Variants in DIAPH3 observed in about 807,000 individuals in gnomAD.
The protein encoded by DIAPH3 is protein diaphanous homolog 3.
Under a neutral mutation model 144.3 loss-of-function variants are expected in DIAPH3, and 117 were observed. That is an observed-to-expected ratio of 0.81 (90% CI 0.70 to 0.95). DIAPH3 has a LOEUF of 0.95. Among genes scored for constraint, DIAPH3 ranks in the 40% least tolerant of loss-of-function variants. The pLI, the probability that DIAPH3 is intolerant of heterozygous loss-of-function variation, is 0.00. For synonymous variants in DIAPH3, 519 were observed against 488.9 expected, an observed-to-expected ratio of 1.06 and a Z score of -0.81; for missense variants, 1,421 against 1,412.7, an observed-to-expected ratio of 1.01 and a Z score of -0.09.
chr13:60,023,631 A>G (rs1462990529), intron 5 of DIAPH3, among the ~76,000 whole-genome samples: 1 of 151,394 alleles, frequency 6.6e-6, no homozygotes, highest in Non-Finnish European at 1.5e-5. Flanking sequence ...ACAGGGTTTC[A>G]CCATTTTGGC....
At chr13:60,080,905 G>A (rs1472080227) in intron 4 of DIAPH3, among the ~76,000 whole-genome samples, 1 of 151,878 alleles carries the variant, frequency 6.6e-6, no homozygotes, top group East Asian at 1.9e-4. Context: ...AAAACTCTTA[G>A]ATGCCTATGA....
intron 5 of DIAPH3, among the ~76,000 whole-genome samples, chr13:60,040,374 A>G (rs2055570000): frequency 6.6e-6 from 1 of 152,086 alleles, no homozygotes; most frequent in Admixed American, 6.6e-5. Flanking sequence ...GATTCCTAAT[A>G]ACATATTCTA....
At chr13:59,861,978 G>A (rs919042507) in intron 21 of DIAPH3, among the ~76,000 whole-genome samples, 1 of 152,100 alleles carries the variant, frequency 6.6e-6, no homozygotes, top group Non-Finnish European at 1.5e-5. Context: ...AAAAATATAC[G>A]TATTTGCCTT....
intron 24 of DIAPH3, among the ~76,000 whole-genome samples, chr13:59,824,308 T>G (rs1204483365): frequency 6.6e-6 from 1 of 152,182 alleles, no homozygotes; most frequent in Non-Finnish European, 1.5e-5. Flanking sequence ...GTAACATCCC[T>G]AAGAGATGCA....
In DIAPH3 at chr13:59,740,246, T is replaced by C. The variant is rs566769299; in HGVS notation, c.3319+33943A>G. On this transcript the variant is annotated intron_variant, in intron 27 of 27. Coordinates refer to ENST00000400324, the MANE Select transcript of DIAPH3 (RefSeq NM_001042517.2). ...ATTACGGAATATTTTAAGCACCGCA[T>C]TTAAGAAATACCTATTTTTGAGTCA... is the stretch of plus-strand genomic sequence containing the variant. Among the ~76,000 whole-genome samples the C allele has an allele frequency of 7.9e-5, 12 of 152,346 alleles. No individual in the cohort carries two copies. The South Asian group carries it at 8.3e-4, about 11-fold the overall frequency.
chr13:59,701,894 G>C (rs961512014), intron 27 of DIAPH3, among the ~76,000 whole-genome samples: 1 of 152,164 alleles, frequency 6.6e-6, no homozygotes, highest in Non-Finnish European at 1.5e-5. Flanking sequence ...TTTCCTACTA[G>C]AAAGTTTAGC....
In DIAPH3 at chr13:60,138,265, C is replaced by T. The variant is rs544714338; in HGVS notation, c.181-5276G>A. Among the ~76,000 whole-genome samples the T allele has an allele frequency of 9.8e-5, 15 of 152,298 alleles. No homozygotes were observed. In the South Asian group the frequency reaches 1.0e-3, roughly 11 times the overall value. ...GTCTAAGGTGGGACCTGGGAACCCA[C>T]ATGTTTAAGAAGTCATGCCTGTAAT... On this transcript the variant is annotated intron_variant, in intron 1 of 27. Coordinates refer to ENST00000400324, the MANE Select transcript of DIAPH3 (RefSeq NM_001042517.2).
intron 22 of DIAPH3, among the ~76,000 whole-genome samples, chr13:59,844,509 A>G (rs1232398428): frequency 1.3e-5 from 2 of 151,434 alleles, no homozygotes; most frequent in Non-Finnish European, 2.9e-5. Flanking sequence ...ATCCCAAAAA[A>G]AAAAAAAAGG....
At chr13:59,692,619 A>C (rs1202795180) in intron 27 of DIAPH3, among the ~76,000 whole-genome samples, 2 of 152,094 alleles carry the variant, frequency 1.3e-5, no homozygotes, top group African/African-American at 4.8e-5. Context: ...GAATGGTCAA[A>C]AGATATGCCT....
chr13:59,988,721 GT>G (rs2051600342), intron 12 of DIAPH3, among the ~76,000 whole-genome samples: 1 of 151,832 alleles, frequency 6.6e-6, no homozygotes, highest in African/African-American at 2.4e-5. Context: ...TGTTGGAGGA[GT>G]TTTTGAAATC....
chr13:60,014,838 G>C (rs1259508455), intron 7 of DIAPH3, among the ~76,000 whole-genome samples: 1 of 152,096 alleles, frequency 6.6e-6, no homozygotes, highest in Non-Finnish European at 1.5e-5. Flanking sequence ...AGATGCTGGA[G>C]CTTAAAGAAA....
At chr13:59,852,414 T>C (rs952782829) in intron 22 of DIAPH3, among the ~76,000 whole-genome samples, 1 of 152,230 alleles carries the variant, frequency 6.6e-6, no homozygotes, top group Non-Finnish European at 1.5e-5. Flanking sequence ...AATTCATGCA[T>C]CACCTCCAGA....
chr13:60,063,938 A>C (rs1287330189), intron 4 of DIAPH3, among the ~76,000 whole-genome samples: 1 of 152,168 alleles, frequency 6.6e-6, no homozygotes, highest in Admixed American at 6.5e-5. Context: ...TCAAAAAAAA[A>C]AGACATTACT....
chr13:59,859,629 A>G (rs2043459275), intron 22 of DIAPH3, among the ~76,000 whole-genome samples: 1 of 152,168 alleles, frequency 6.6e-6, no homozygotes, highest in African/African-American at 2.4e-5. Context: ...CTACTCCGTT[A>G]TCTATCAAAC....
chr13:59,999,816 T>C (rs1454414510), intron 9 of DIAPH3, among the ~76,000 whole-genome samples: 3 of 152,096 alleles, frequency 2.0e-5, no homozygotes, highest in Non-Finnish European at 4.4e-5. Context: ...CAGCTCCTCC[T>C]CCAGGGTCTC....
intron 27 of DIAPH3, among the ~76,000 whole-genome samples, chr13:59,687,611 T>C (rs1342180633): frequency 6.6e-6 from 1 of 152,020 alleles, no homozygotes; most frequent in Non-Finnish European, 1.5e-5. Context: ...CATCTCCTCT[T>C]AGTGTCTTGA....
At position 59,666,443 on chromosome 13, in the gene DIAPH3, T is replaced by C. The variant is rs918119507; in HGVS notation, c.*141A>G. 2.1e-5 allele frequency: 21 copies of C among 991,714 alleles called. No individual in the cohort carries two copies. The highest frequency in any genetic ancestry group is 3.3e-4 in the Middle Eastern group (1 of 3,052). 61.4% of individuals were successfully genotyped at this position (991,714 alleles called of 1,614,324 possible). On this transcript the variant is annotated 3_prime_UTR_variant, in exon 28 of 28. Transcript: ENST00000400324. ...ACATAGAAAAAGCATTGCAATCATATATTTAGCTTTATTTTTCTAATATAT... is the reference window on the plus strand; with the variant it reads ...ACATAGAAAAAGCATTGCAATCATACATTTAGCTTTATTTTTCTAATATAT...
At chr13:59,814,584 C>T (rs993967693) in intron 24 of DIAPH3, among the ~76,000 whole-genome samples, 6 of 152,138 alleles carry the variant, frequency 3.9e-5, no homozygotes, top group Non-Finnish European at 2.9e-5. Context: ...ATGAGAACAA[C>T]ATTTTTCTGG....
At chr13:59,821,476 T>G (rs567156575) in intron 24 of DIAPH3, among the ~76,000 whole-genome samples, 24 of 152,192 alleles carry the variant, frequency 1.6e-4, no homozygotes, top group African/African-American at 5.8e-4. Flanking sequence ...ATTCCTGTAG[T>G]GGAACAGGAA....
Sources: gnomAD v4.1 joint callset for allele counts (sites outside exome capture counted in the v4.1 genomes callset) on GRCh38, gnomAD v4.1.1 for gene constraint, MANE v1.5 for transcripts, NCBI Gene and HGNC (gene_info 2026-07-23, HGNC 2026-07-21) for gene names.